The following PLCB1 variants were observed in gnomAD, a reference collection of about 807,000 sequenced individuals.
PLCB1 encodes the protein 1-phosphatidylinositol 4,5-bisphosphate phosphodiesterase beta-1.
Under a neutral mutation model 161.8 loss-of-function variants are expected in PLCB1, and 46 were observed. That is an observed-to-expected ratio of 0.28 (90% CI 0.22 to 0.36). The LOEUF (loss-of-function observed/expected upper bound fraction) is 0.36. Among genes scored for constraint, PLCB1 ranks in the 10% least tolerant of loss-of-function variants. The pLI, the probability that PLCB1 is intolerant of heterozygous loss-of-function variation, is 1.00. For missense variants in PLCB1, 1,016 were observed against 1,472.5 expected, an observed-to-expected ratio of 0.69 and a Z score of 5.07; for synonymous variants, 517 against 503.7, an observed-to-expected ratio of 1.03 and a Z score of -0.35.
intron 3 of PLCB1, among the ~76,000 whole-genome samples, chr20:8,620,424 C>T (rs890588524): frequency 1.3e-5 from 2 of 151,838 alleles, no homozygotes; most frequent in East Asian, 1.9e-4. Flanking sequence ...ACGACAGAGC[C>T]GGAACTCAAA....
intron 2 of PLCB1, among the ~76,000 whole-genome samples, chr20:8,179,563 A>G (rs2051816986): frequency 6.6e-6 from 1 of 152,186 alleles, no homozygotes; most frequent in South Asian, 2.1e-4. Context: ...TCTAGGTACT[A>G]GGTATAAAAT....
intron 31 of PLCB1, among the ~76,000 whole-genome samples, chr20:8,811,616 G>A (rs1430006760): frequency 1.3e-5 from 2 of 152,180 alleles, no homozygotes; most frequent in East Asian, 3.8e-4. Flanking sequence ...TGAGTATACA[G>A]CATATATTAT....
chr20:8,136,846 G>A (rs1037914191), intron 1 of PLCB1, among the ~76,000 whole-genome samples: 1 of 152,096 alleles, frequency 6.6e-6, no homozygotes, highest in African/African-American at 2.4e-5. Context: ...CGGAAAATAA[G>A]TACGTAATTT....
At chr20:8,461,919 C>G (rs1050489097) in intron 3 of PLCB1, among the ~76,000 whole-genome samples, 1 of 152,096 alleles carries the variant, frequency 6.6e-6, no homozygotes, top group African/African-American at 2.4e-5. Flanking sequence ...AAAAATATCC[C>G]ATTCCAATTT....
intron 3 of PLCB1, among the ~76,000 whole-genome samples, chr20:8,600,948 C>T (rs1188182006): frequency 2.0e-5 from 3 of 152,170 alleles, no homozygotes; most frequent in African/African-American, 4.8e-5. Context: ...AATGCCTCGC[C>T]CTGCTTCAGC....
At chr20:8,491,086 C>T (rs866034926) in intron 3 of PLCB1, among the ~76,000 whole-genome samples, 2 of 151,438 alleles carry the variant, frequency 1.3e-5, no homozygotes, top group African/African-American at 4.8e-5. Context: ...TCAATTTGTT[C>T]TTTTATGGAT....
chr20:8,409,261 G>T (rs1600381358), intron 3 of PLCB1, among the ~76,000 whole-genome samples: 1 of 152,056 alleles, frequency 6.6e-6, no homozygotes, highest in Non-Finnish European at 1.5e-5. Flanking sequence ...TACAAGTAGG[G>T]TCTTGATGGA....
intron 3 of PLCB1, among the ~76,000 whole-genome samples, chr20:8,423,177 GCCCA>G (rs1458987331): frequency 2.6e-5 from 4 of 151,970 alleles, no homozygotes; most frequent in African/African-American, 4.8e-5. Context: ...ATTGTCAGTT[GCCCA>G]CCCACCTACT....
At chr20:8,757,765 T>A (rs1288254197) in intron 24 of PLCB1, among the ~76,000 whole-genome samples, 1 of 152,104 alleles carries the variant, frequency 6.6e-6, no homozygotes, top group South Asian at 2.1e-4. Flanking sequence ...AGAGTGACCT[T>A]AGGCCTGATG....
chr20:8,448,061 C>A (rs1224252529), intron 3 of PLCB1, among the ~76,000 whole-genome samples: 1 of 152,212 alleles, frequency 6.6e-6, no homozygotes, highest in African/African-American at 2.4e-5. Flanking sequence ...CTGCCAGAGG[C>A]TCACTGGGTG....
chr20:8,225,206 A>G (rs1191927242), intron 2 of PLCB1, among the ~76,000 whole-genome samples: 4 of 152,278 alleles, frequency 2.6e-5, no homozygotes, highest in East Asian at 1.9e-4. Flanking sequence ...CAGTAATTAC[A>G]TGTTTTCAAT....
chr20:8,880,666 G>A (rs977505599), intron 31 of PLCB1, among the ~76,000 whole-genome samples: 10 of 152,082 alleles, frequency 6.6e-5, no homozygotes, highest in African/African-American at 2.4e-4. Context: ...ACATCTCAAA[G>A]TCCACTCCAC....
intron 3 of PLCB1, among the ~76,000 whole-genome samples, chr20:8,572,819 C>T (rs573726262): frequency 3.9e-5 from 6 of 152,254 alleles, no homozygotes; most frequent in African/African-American, 1.4e-4. Flanking sequence ...GCAGAGGCCT[C>T]ACACTCATGA....
chr20:8,166,619 C>G (rs561867427), intron 2 of PLCB1, among the ~76,000 whole-genome samples: 1 of 152,154 alleles, frequency 6.6e-6, no homozygotes, highest in Non-Finnish European at 1.5e-5. Context: ...AGATTGGTAT[C>G]ATGTTCTTCC....
Position 8,201,783 on chromosome 20 carries a change from A to G in PLCB1, c.177+51412A>G, listed in dbSNP as rs563502638. Among the ~76,000 whole-genome samples the G allele has an allele frequency of 4.3e-4, 66 of 152,338 alleles. 1 individual carries two copies. Among genetic ancestry groups the G allele is most frequent in the African/African-American group, 1.5e-3 (64 of 41,574 alleles). ...AGCAAAATTTCCTTTCAGCTTTACA[A>G]TCAATGATGCTATCAGTGACATGGT... On this transcript the variant is annotated intron_variant, in intron 2 of 31. Coordinates refer to ENST00000338037, the MANE Select transcript of PLCB1 (RefSeq NM_015192.4).
At chr20:8,404,186 G>A (rs766980621) in intron 3 of PLCB1, among the ~76,000 whole-genome samples, 1 of 152,150 alleles carries the variant, frequency 6.6e-6, no homozygotes, top group Non-Finnish European at 1.5e-5. Context: ...TGGGTTTTGT[G>A]ATTTCATGGA....
chr20:8,720,944 A>C (rs952259717), intron 14 of PLCB1, among the ~76,000 whole-genome samples: 1 of 152,116 alleles, frequency 6.6e-6, no homozygotes, highest in Admixed American at 6.6e-5. Flanking sequence ...TGTGTCTCTA[A>C]TATTGTAGTA....
chr20:8,319,776 A>T (rs1394427690), intron 2 of PLCB1, among the ~76,000 whole-genome samples: 1 of 149,738 alleles, frequency 6.7e-6, no homozygotes, highest in African/African-American at 2.5e-5. Flanking sequence ...CTTATTTACC[A>T]CCAAGACATG....
intron 9 of PLCB1, among the ~76,000 whole-genome samples, chr20:8,679,141 A>G (rs952266877): frequency 1.3e-5 from 2 of 152,220 alleles, no homozygotes; most frequent in African/African-American, 4.8e-5. Flanking sequence ...ACCAGTAAGG[A>G]ATACCCTAGC....
Sources: gnomAD v4.1 joint callset for allele counts (sites outside exome capture counted in the v4.1 genomes callset) on GRCh38, gnomAD v4.1.1 for gene constraint, MANE v1.5 for transcripts, NCBI Gene and HGNC (gene_info 2026-07-23, HGNC 2026-07-21) for gene names.